The following DCC variants were observed in gnomAD, a reference collection of about 807,000 sequenced individuals.
The protein encoded by DCC is netrin receptor DCC.
In DCC, 58 loss-of-function variants were observed where a neutral mutation model predicts 172.5. The observed-to-expected ratio is 0.34, with a 90% confidence interval of 0.27 to 0.42. The LOEUF (loss-of-function observed/expected upper bound fraction) is 0.42, where lower values mean the gene tolerates loss of function less well. Ranked by LOEUF, DCC falls within the 10% of genes least tolerant of loss-of-function variation. DCC has a pLI of 1.00. For missense variants in DCC, 1,740 were observed against 1,791.0 expected, an observed-to-expected ratio of 0.97 and a Z score of 0.51; for synonymous variants, 709 against 644.5, an observed-to-expected ratio of 1.10 and a Z score of -1.52.
intron 7 of DCC, among the ~76,000 whole-genome samples, chr18:53,102,295 C>T (rs1226530810): frequency 6.6e-6 from 1 of 152,048 alleles, no homozygotes; most frequent in Non-Finnish European, 1.5e-5. Flanking sequence ...AATGTTCGTC[C>T]TATTTTTAAA....
chr18:53,261,972 C>A (rs183823176), intron 12 of DCC, among the ~76,000 whole-genome samples: 5 of 152,154 alleles, frequency 3.3e-5, no homozygotes, highest in Admixed American at 6.5e-5. Flanking sequence ...ATGTCTGTGT[C>A]TCAGGCTGTG....
intron 1 of DCC, among the ~76,000 whole-genome samples, chr18:52,462,285 C>G (rs1462959053): frequency 6.6e-6 from 1 of 152,144 alleles, no homozygotes; most frequent in African/African-American, 2.4e-5. Flanking sequence ...GAGGTCCCAG[C>G]ATTTCCTCAT....
chr18:52,736,009 C>G (rs2036722106), intron 1 of DCC, among the ~76,000 whole-genome samples: 1 of 152,106 alleles, frequency 6.6e-6, no homozygotes, highest in South Asian at 2.1e-4. Flanking sequence ...TATTCCATCT[C>G]TGAGCTGGTT....
At chr18:52,451,310 G>A (rs1374409588) in intron 1 of DCC, among the ~76,000 whole-genome samples, 1 of 152,166 alleles carries the variant, frequency 6.6e-6, no homozygotes, top group Non-Finnish European at 1.5e-5. Flanking sequence ...CAGAAGATTA[G>A]AAGCAGAAAG....
chr18:52,355,207 T>TA lies in DCC; in HGVS notation c.91+14340dup, dbSNP rs71871623. Among the ~76,000 whole-genome samples the TA allele has an allele frequency of 9.2e-4, 135 of 146,238 alleles. 1 individual carries two copies. In the Middle Eastern group the frequency reaches 0.014, roughly 15 times the overall value. On this transcript the variant is annotated intron_variant, in intron 1 of 28. Coordinates refer to ENST00000442544, the MANE Select transcript of DCC (RefSeq NM_005215.4). ...GAAGTCAAGACAAGATGATGGAGAT[T>TA]AAAAAAAAAAAGCACATAGAATGAA...
intron 12 of DCC, among the ~76,000 whole-genome samples, chr18:53,282,343 C>T (rs189029085): frequency 8.4e-4 from 128 of 152,224 alleles, no homozygotes; most frequent in African/African-American, 2.5e-3. Context: ...TAAGTAGGGC[C>T]AGTGATTTTG....
At chr18:53,213,647 C>CAA (rs34284373) in intron 11 of DCC, among the ~76,000 whole-genome samples, 1,365 of 35,338 alleles carry the variant, frequency 0.039, 157 homozygotes, top group African/African-American at 0.066. Context: ...GACTCCGTCT[C>CAA]AAAAAAAAAA....
Position 53,226,948 on chromosome 18 carries a change from A to ATATATATATATATTTTT in DCC, c.1911+11352_1911+11353insATATATATATATTTTTT. On this transcript the variant is annotated intron_variant, in intron 12 of 28. Transcript: ENST00000442544. ...TGTGTGTGTGTGTATATATATATAT[A>ATATATATATATATTTTT]TTTTTTTTTTTTTTTTTTTGAGGCA... Among the ~76,000 whole-genome samples the ATATATATATATATTTTT allele has an allele frequency of 3.3e-3, 175 of 52,896 alleles. 6 individuals are homozygous for ATATATATATATATTTTT. The highest frequency in any genetic ancestry group is 0.016 in the African/African-American group (165 of 10,566). The allele number at this position is 52,896 out of a possible 152,430, so 34.7% of individuals were successfully genotyped here.
chr18:52,416,803 C>G (rs901357931), intron 1 of DCC, among the ~76,000 whole-genome samples: 6 of 151,942 alleles, frequency 3.9e-5, no homozygotes, highest in Admixed American at 3.3e-4. Flanking sequence ...ATACAGCACA[C>G]GATGGGTCTT....
intron 15 of DCC, among the ~76,000 whole-genome samples, chr18:53,359,842 CCTGACT>C (rs1471981183): frequency 2.6e-5 from 4 of 152,018 alleles, no homozygotes; most frequent in African/African-American, 9.7e-5. Flanking sequence ...TTTGGAGAAC[CCTGACT>C]CAGTACCCAT....
intron 2 of DCC, among the ~76,000 whole-genome samples, chr18:52,783,282 CAT>C (rs150063286): frequency 0.056 from 7,798 of 138,248 alleles, 281 homozygotes; most frequent in South Asian, 0.17. Flanking sequence ...ATACAGTAAG[CAT>C]ATGTTTATCC....
chr18:52,566,532 A>G (rs543735305), intron 1 of DCC, among the ~76,000 whole-genome samples: 4 of 152,244 alleles, frequency 2.6e-5, no homozygotes, highest in South Asian at 2.1e-4. Context: ...AAAAATTGAA[A>G]TTTGGACATT....
chr18:52,399,922 CAAAT>C (rs1986372993), intron 1 of DCC, among the ~76,000 whole-genome samples: 1 of 151,808 alleles, frequency 6.6e-6, no homozygotes, highest in Non-Finnish European at 1.5e-5. Flanking sequence ...ATGAATTTAT[CAAAT>C]AAATGAGTAG....
chr18:53,304,457 TAGG>T (rs1218033144), intron 12 of DCC, among the ~76,000 whole-genome samples: 2 of 152,202 alleles, frequency 1.3e-5, no homozygotes, highest in African/African-American at 4.8e-5. Flanking sequence ...GCCATTGCTC[TAGG>T]TATCATATGA....
intron 1 of DCC, among the ~76,000 whole-genome samples, chr18:52,607,002 G>A (rs144028406): frequency 1.4e-4 from 21 of 152,232 alleles, no homozygotes; most frequent in African/African-American, 4.3e-4. Context: ...ACATTTTCAC[G>A]CATGTTGAAA....
chr18:53,069,448 C>A (rs2042622247), intron 7 of DCC, among the ~76,000 whole-genome samples: 10 of 152,116 alleles, frequency 6.6e-5, no homozygotes, highest in Admixed American at 6.5e-4. Context: ...GAGGTCCTGT[C>A]TGCTGAGGCT....
At chr18:52,388,452 T>C (rs1456985124) in intron 1 of DCC, among the ~76,000 whole-genome samples, 1 of 152,148 alleles carries the variant, frequency 6.6e-6, no homozygotes, top group Non-Finnish European at 1.5e-5. Context: ...AAATTACTGT[T>C]TTCTGGTTGC....
chr18:53,426,037 T>C (rs928910725), intron 21 of DCC, among the ~76,000 whole-genome samples: 13 of 151,796 alleles, frequency 8.6e-5, no homozygotes, highest in Non-Finnish European at 4.4e-5. Context: ...GCCTTTTTTT[T>C]CTAAGCTCAT....
At chr18:52,953,930 T>G (rs2040699255) in intron 5 of DCC, among the ~76,000 whole-genome samples, 1 of 152,214 alleles carries the variant, frequency 6.6e-6, no homozygotes, top group Non-Finnish European at 1.5e-5. Context: ...GTTGGAATGT[T>G]TAGGCTAAAA....
Sources: gnomAD v4.1 joint callset for allele counts (sites outside exome capture counted in the v4.1 genomes callset) on GRCh38, gnomAD v4.1.1 for gene constraint, MANE v1.5 for transcripts, NCBI Gene and HGNC (gene_info 2026-07-23, HGNC 2026-07-21) for gene names.